Variants in LYPD6B observed in about 807,000 individuals in gnomAD.
LYPD6B encodes the protein ly6/PLAUR domain-containing protein 6B.
A neutral mutation model predicts 22.8 loss-of-function variants in LYPD6B; 17 were observed. The observed-to-expected ratio is 0.75, with a 90% CI of 0.51 to 1.12. The LOEUF (loss-of-function observed/expected upper bound fraction) is 1.12. Ranked by LOEUF, LYPD6B falls within the 50% of genes most tolerant of loss-of-function variation. The pLI is 0.00. For synonymous variants in LYPD6B, 106 were observed against 91.6 expected (o/e 1.16, Z -0.90); for missense variants, 221 against 258.3 (o/e 0.86, Z 0.99).
chr2:149,074,998 G>C (rs1005785785), intron 1 of LYPD6B, among the ~76,000 whole-genome samples: 1 of 152,156 alleles, frequency 6.6e-6, no homozygotes, highest in African/African-American at 2.4e-5. Flanking sequence ...TGCTCAGTCA[G>C]TGTTAATAAT....
chr2:149,098,121 C>A (rs1447538557), intron 1 of LYPD6B, among the ~76,000 whole-genome samples: 1 of 151,992 alleles, frequency 6.6e-6, no homozygotes, highest in Non-Finnish European at 1.5e-5. Context: ...AGATAATAGA[C>A]CCAGCTCTCA....
chr2:149,177,289 AT>A (rs1453210431), intron 3 of LYPD6B, among the ~76,000 whole-genome samples: 2 of 152,084 alleles, frequency 1.3e-5, no homozygotes, highest in Non-Finnish European at 2.9e-5. Context: ...AAATGCTTTT[AT>A]TTTTCCATTG....
At chr2:149,082,953 C>A (rs1558987030) in intron 1 of LYPD6B, among the ~76,000 whole-genome samples, 1 of 152,212 alleles carries the variant, frequency 6.6e-6, no homozygotes, top group South Asian at 2.1e-4. Context: ...CTCACTGACT[C>A]CCTGGCTGCA....
intron 3 of LYPD6B, among the ~76,000 whole-genome samples, chr2:149,194,605 G>A (rs1692692035): frequency 6.6e-6 from 1 of 152,218 alleles, no homozygotes; most frequent in African/African-American, 2.4e-5. Context: ...TTGGCCACCT[G>A]CTAGGAGCTG....
At chr2:149,152,305 C>T (rs1280943123) in intron 2 of LYPD6B, among the ~76,000 whole-genome samples, 1 of 152,028 alleles carries the variant, frequency 6.6e-6, no homozygotes, top group African/African-American at 2.4e-5. Flanking sequence ...TATGCAAGGC[C>T]CTGTGCTAGA....
chr2:149,092,838 AG>A (rs1685721006), intron 1 of LYPD6B, among the ~76,000 whole-genome samples: 1 of 152,208 alleles, frequency 6.6e-6, no homozygotes, highest in South Asian at 2.1e-4. Context: ...GAGTTTGTGA[AG>A]CCCACCTCAA....
At chr2:149,212,398 A>AAAAAAAG (rs1693924879) in intron 5 of LYPD6B, among the ~76,000 whole-genome samples, 1 of 150,686 alleles carries the variant, frequency 6.6e-6, no homozygotes, top group Non-Finnish European at 1.5e-5. Context: ...AAAAAAAAAA[A>AAAAAAAG]AAAAAAGAAA....
At chr2:149,090,413 A>G (rs1685597005) in intron 1 of LYPD6B, among the ~76,000 whole-genome samples, 1 of 152,186 alleles carries the variant, frequency 6.6e-6, no homozygotes, top group Non-Finnish European at 1.5e-5. Context: ...ATACAATTGA[A>G]TCAGCTTTTC....
intron 1 of LYPD6B, among the ~76,000 whole-genome samples, chr2:149,047,737 G>A (rs995773150): frequency 2.0e-5 from 3 of 151,940 alleles, no homozygotes; most frequent in Non-Finnish European, 4.4e-5. Context: ...CTTTTCTCCT[G>A]AAATTTCAGT....
chr2:149,145,313 A>C (rs909813788), intron 2 of LYPD6B, among the ~76,000 whole-genome samples: 2 of 152,332 alleles, frequency 1.3e-5, no homozygotes, highest in African/African-American at 4.8e-5. Flanking sequence ...CGATACATGC[A>C]GTTGCGCTCT....
chr2:149,205,436 G>T, intron 4 of LYPD6B, 32 bp downstream of exon 4: 1 of 1,608,586 alleles, frequency 6.2e-7, no homozygotes. Context: ...CCTAGTTCAT[G>T]GCTGTGGGGC....
rs529267169 is a variant in LYPD6B at position 149,188,805 on chromosome 2, C to T, written c.78-16448C>T. ...TATTTATGGAGTTCTTCCTGTCTTC[C>T]AGGCATTAGTCTAAGTGCCTTAAGA... On this transcript the variant is annotated intron_variant, in intron 3 of 6. Coordinates refer to ENST00000409642, the MANE Select transcript of LYPD6B (RefSeq NM_177964.5). The T allele has an allele frequency of 4.1e-5, 13 of 316,750 alleles. No homozygotes were observed. In the South Asian group the frequency reaches 1.5e-3, roughly 37 times the overall value. 19.6% of individuals were successfully genotyped at this position (316,750 alleles called of 1,614,324 possible).
At chr2:149,062,838 A>G (rs2105327253) in intron 1 of LYPD6B, among the ~76,000 whole-genome samples, 1 of 151,632 alleles carries the variant, frequency 6.6e-6, no homozygotes, top group South Asian at 2.1e-4. Context: ...AATTCAGATG[A>G]AAGCTTTCAG....
chr2:149,214,683 C>G lies in LYPD6B; in HGVS notation c.597C>G (p.Ala199=), dbSNP rs567034184. Residue 199 remains alanine, a synonymous_variant, in exon 7 of 7, where the codon GCC becomes GCG. Transcript: ENST00000409642. ...CCACACTCTACCTACCAGTGCTTGC[C>G]TGGGTCTTTGTGCTTCCATTGCTGT... ...SAPTLYLPVL[A]WVFVLPLL The G allele has an allele frequency of 2.6e-5, 42 of 1,614,014 alleles. No individual in the cohort carries two copies. The South Asian group carries it at 4.0e-4, about 15-fold the overall frequency.
chr2:149,186,092 T>C (rs1344186391), intron 3 of LYPD6B, among the ~76,000 whole-genome samples: 1 of 152,206 alleles, frequency 6.6e-6, no homozygotes, highest in African/African-American at 2.4e-5. Context: ...AGGAGTCACA[T>C]ATCTCTCACT....
chr2:149,174,243 G>T lies in LYPD6B; in HGVS notation c.77+13408G>T, dbSNP rs1463904629. The stretch of plus-strand genomic sequence containing the variant: ...TTTGCACATTGATTTTGCATCCTGA[G>T]AATTTGCTGAAGTTGCTTATCAGCT... On this transcript the variant is annotated intron_variant, in intron 3 of 6. Coordinates refer to ENST00000409642, the MANE Select transcript of LYPD6B (RefSeq NM_177964.5). Among the ~76,000 whole-genome samples, 54 of 152,182 alleles carry T rather than the reference G, an allele frequency of 3.5e-4. 1 individual carries two copies. The highest frequency in any genetic ancestry group is 1.5e-5 in the Non-Finnish European group (1 of 68,036).
intron 3 of LYPD6B, among the ~76,000 whole-genome samples, chr2:149,203,285 C>G (rs191426353): frequency 6.6e-6 from 1 of 152,184 alleles, no homozygotes; most frequent in Non-Finnish European, 1.5e-5. Flanking sequence ...GACACTGAAA[C>G]CTGTATCTTA....
chr2:149,069,871 G>C (rs1440525089), intron 1 of LYPD6B, among the ~76,000 whole-genome samples: 1 of 150,256 alleles, frequency 6.7e-6, no homozygotes, highest in Non-Finnish European at 1.5e-5. Context: ...AAGCTTAAGA[G>C]CTTTCCCCAG....
chr2:149,143,217 G>A (rs1280815334), intron 2 of LYPD6B, among the ~76,000 whole-genome samples: 1 of 152,106 alleles, frequency 6.6e-6, no homozygotes, highest in Non-Finnish European at 1.5e-5. Context: ...TCCCAGCAAA[G>A]TTTAACTTAA....
Sources: allele counts gnomAD v4.1 joint callset (sites outside exome capture counted in the v4.1 genomes callset), GRCh38; gene constraint gnomAD v4.1.1; transcripts MANE v1.5; gene names NCBI Gene and HGNC (gene_info 2026-07-23, HGNC 2026-07-21).